Variants in KCND2 observed in about 807,000 individuals in gnomAD.
KCND2 encodes the protein potassium voltage-gated channel subfamily D member 2, also known as A-type voltage-gated potassium channel KCND2.
In KCND2, 16 loss-of-function variants were observed where a neutral mutation model predicts 54.4. That is an observed-to-expected ratio of 0.29 (90% confidence interval 0.20 to 0.45). KCND2 has a LOEUF of 0.45. Ranked by LOEUF, KCND2 falls within the 20% of genes least tolerant of loss-of-function variation. The probability of loss-of-function intolerance (pLI) is 1.00; values close to 1 mark genes in which losing one functional copy is unlikely to be tolerated. For missense variants in KCND2, 486 were observed against 824.2 expected (o/e 0.59, Z 5.02); for synonymous variants, 317 against 310.7 (o/e 1.02, Z -0.21).
chr7:120,279,118 A>G (rs1324281461), intron 1 of KCND2, among the ~76,000 whole-genome samples: 1 of 151,986 alleles, frequency 6.6e-6, no homozygotes, highest in African/African-American at 2.4e-5. Flanking sequence ...TAGTACTCAA[A>G]TCTTGCTAAA....
chr7:120,407,373 T>A (rs1287562424), intron 1 of KCND2, among the ~76,000 whole-genome samples: 5 of 151,994 alleles, frequency 3.3e-5, no homozygotes, highest in African/African-American at 9.7e-5. Flanking sequence ...GCTCATAGTG[T>A]AGTTATAAAC....
At chr7:120,398,909 C>A (rs865876301) in intron 1 of KCND2, among the ~76,000 whole-genome samples, 1 of 151,980 alleles carries the variant, frequency 6.6e-6, no homozygotes, top group Non-Finnish European at 1.5e-5. Context: ...ATGTCTTAGA[C>A]GTGGTGAAAA....
intron 1 of KCND2, among the ~76,000 whole-genome samples, chr7:120,638,151 T>C (rs1262502946): frequency 6.6e-6 from 1 of 152,154 alleles, no homozygotes; most frequent in African/African-American, 2.4e-5. Flanking sequence ...TTCTTAGACA[T>C]GTGCTGGTAA....
intron 1 of KCND2, among the ~76,000 whole-genome samples, chr7:120,309,452 CATATAT>C (rs61690032): frequency 3.5e-4 from 24 of 68,268 alleles, no homozygotes; most frequent in African/African-American, 5.8e-4. Flanking sequence ...TAATAGAAAA[CATATAT>C]ATATATATAT....
At chr7:120,613,415 C>G (rs1214750890) in intron 1 of KCND2, among the ~76,000 whole-genome samples, 1 of 152,118 alleles carries the variant, frequency 6.6e-6, no homozygotes, top group Non-Finnish European at 1.5e-5. Context: ...CCTGTAATCA[C>G]AGTTACTTGG....
chr7:120,384,387 T>A (rs1161940410), intron 1 of KCND2, among the ~76,000 whole-genome samples: 1 of 152,102 alleles, frequency 6.6e-6, no homozygotes, highest in Admixed American at 6.6e-5. Flanking sequence ...GTGGGTATTA[T>A]TTAAATATAC....
chr7:120,572,562 G>A (rs1466514632), intron 1 of KCND2, among the ~76,000 whole-genome samples: 1 of 152,074 alleles, frequency 6.6e-6, no homozygotes, highest in Non-Finnish European at 1.5e-5. Flanking sequence ...CTGTCGCCTA[G>A]GCTGGAGTTC....
chr7:120,426,565 C>T (rs966465439), intron 1 of KCND2, among the ~76,000 whole-genome samples: 3 of 149,240 alleles, frequency 2.0e-5, no homozygotes, highest in Admixed American at 6.7e-5. Flanking sequence ...AGCCGATGTA[C>T]GTTTTTTGTG....
intron 1 of KCND2, among the ~76,000 whole-genome samples, chr7:120,509,520 A>G (rs1803080276): frequency 6.6e-6 from 1 of 152,242 alleles, no homozygotes; most frequent in Middle Eastern, 3.4e-3. Flanking sequence ...TTGAATTGCC[A>G]TTTAAATTTA....
intron 1 of KCND2, among the ~76,000 whole-genome samples, chr7:120,537,335 A>G (rs1345346051): frequency 1.3e-5 from 2 of 152,184 alleles, no homozygotes; most frequent in Non-Finnish European, 2.9e-5. Flanking sequence ...CTGTAAACCC[A>G]TATGCTGTCG....
chr7:120,417,459 C>T (rs980172076), intron 1 of KCND2, among the ~76,000 whole-genome samples: 27 of 152,228 alleles, frequency 1.8e-4, no homozygotes, highest in African/African-American at 5.8e-4. Flanking sequence ...TGCTCACTGC[C>T]TAATAAAGTT....
In KCND2 at chr7:120,410,223, C is replaced by G. The variant is rs77353664; in HGVS notation, c.1115+134476C>G. Among the ~76,000 whole-genome samples, 229 of 151,976 alleles carry G rather than the reference C, an allele frequency of 1.5e-3. 1 individual carries two copies. The highest frequency in any genetic ancestry group is 5.0e-3 in the African/African-American group (206 of 41,506). On this transcript the variant is annotated intron_variant, in intron 1 of 5. Coordinates refer to ENST00000331113, the MANE Select transcript of KCND2 (RefSeq NM_012281.3). Reference sequence around the variant, plus strand: ...ATGTATATTGGTCAATTTTCAAACTCTGTATTGTTTTCCATCAGTCTATAT... The same window carrying G: ...ATGTATATTGGTCAATTTTCAAACTGTGTATTGTTTTCCATCAGTCTATAT...
At chr7:120,661,661 A>G (rs1375561235) in intron 1 of KCND2, among the ~76,000 whole-genome samples, 5 of 148,136 alleles carry the variant, frequency 3.4e-5, no homozygotes, top group African/African-American at 1.3e-4. Context: ...AAAAAAAAAA[A>G]GAAAGAAAGG....
chr7:120,486,028 T>C (rs1040872809), intron 1 of KCND2, among the ~76,000 whole-genome samples: 25 of 152,350 alleles, frequency 1.6e-4, no homozygotes, highest in African/African-American at 5.5e-4. Context: ...AGGCTGACTT[T>C]TAAATATATG....
At chr7:120,309,626 T>C (rs372151930) in intron 1 of KCND2, among the ~76,000 whole-genome samples, 1 of 151,594 alleles carries the variant, frequency 6.6e-6, no homozygotes, top group Non-Finnish European at 1.5e-5. Context: ...ATCTCACAAA[T>C]ATTAACTCAT....
intron 1 of KCND2, among the ~76,000 whole-genome samples, chr7:120,292,400 A>T (rs1186268397): frequency 3.3e-5 from 5 of 151,892 alleles, no homozygotes; most frequent in Non-Finnish European, 1.5e-5. Context: ...TATCATATTT[A>T]CTTAAATTTA....
intron 1 of KCND2, among the ~76,000 whole-genome samples, chr7:120,529,031 A>G (rs1026872647): frequency 9.2e-5 from 14 of 152,164 alleles, no homozygotes; most frequent in Non-Finnish European, 1.3e-4. Flanking sequence ...TCTGCTTAAT[A>G]TTTTTCCTCC....
At chr7:120,300,487 T>C (rs1323288012) in intron 1 of KCND2, among the ~76,000 whole-genome samples, 1 of 152,162 alleles carries the variant, frequency 6.6e-6, no homozygotes, top group African/African-American at 2.4e-5. Context: ...TGGTGTATAT[T>C]GTTTTCATTT....
intron 1 of KCND2, among the ~76,000 whole-genome samples, chr7:120,592,311 G>A (rs1257179110): frequency 6.6e-6 from 1 of 152,192 alleles, no homozygotes; most frequent in African/African-American, 2.4e-5. Context: ...CACTTTGGGA[G>A]GTGGAAGCCG....
Sources: allele counts gnomAD v4.1 joint callset (sites outside exome capture counted in the v4.1 genomes callset), GRCh38; gene constraint gnomAD v4.1.1; transcripts MANE v1.5; gene names NCBI Gene and HGNC (gene_info 2026-07-23, HGNC 2026-07-21).